CPQ: variants seen among roughly 807,000 people sequenced by gnomAD.
The protein encoded by CPQ is carboxypeptidase Q, also known as Ser-Met dipeptidase.
In CPQ, 37 loss-of-function variants were observed where a neutral mutation model predicts 45.7. The observed-to-expected ratio is 0.81, with a 90% CI of 0.62 to 1.07. The LOEUF is 1.07. Ranked by LOEUF, CPQ falls within the 50% of genes least tolerant of loss-of-function variation. The probability of loss-of-function intolerance (pLI) is 0.00; values close to 1 mark genes in which losing one functional copy is unlikely to be tolerated. For missense variants in CPQ, 537 were observed against 572.9 expected (o/e 0.94, Z 0.64); for synonymous variants, 186 against 205.8 (o/e 0.90, Z 0.82).
At chr8:96,665,288 T>A (rs1808904759) in intron 1 of CPQ, among the ~76,000 whole-genome samples, 1 of 152,082 alleles carries the variant, frequency 6.6e-6, no homozygotes, top group African/African-American at 2.4e-5. Flanking sequence ...GAAGGGATAA[T>A]TAAGATGAGT....
At chr8:97,042,004 T>C (rs1259662679) in intron 6 of CPQ, among the ~76,000 whole-genome samples, 1 of 152,208 alleles carries the variant, frequency 6.6e-6, no homozygotes, top group Non-Finnish European at 1.5e-5. Flanking sequence ...CCTCATAAAA[T>C]GAGTTAGGGA....
intron 1 of CPQ, among the ~76,000 whole-genome samples, chr8:96,779,693 AC>A (rs1244243459): frequency 2.6e-5 from 4 of 152,200 alleles, no homozygotes; most frequent in African/African-American, 9.6e-5. Flanking sequence ...TGCTTAGAGA[AC>A]TTTTAATGAG....
intron 1 of CPQ, among the ~76,000 whole-genome samples, chr8:96,738,871 T>G (rs1257139879): frequency 6.6e-6 from 1 of 152,038 alleles, no homozygotes; most frequent in Non-Finnish European, 1.5e-5. Context: ...TGTTGGACAT[T>G]TGGGTTGGTT....
intron 2 of CPQ, among the ~76,000 whole-genome samples, chr8:96,786,677 A>G (rs1810772681): frequency 6.6e-6 from 1 of 152,114 alleles, no homozygotes; most frequent in Admixed American, 6.6e-5. Context: ...TATGCTTGCC[A>G]ACACTTGTTA....
chr8:96,686,378 G>A (rs2455042), intron 1 of CPQ, among the ~76,000 whole-genome samples: 106,763 of 151,614 alleles, frequency 0.7, 37,996 homozygotes, highest in Middle Eastern at 0.82. Flanking sequence ...CTTTTTTCTT[G>A]GTATAGTACA....
chr8:96,956,004 A>C (rs1010049276), intron 4 of CPQ, among the ~76,000 whole-genome samples: 1 of 152,196 alleles, frequency 6.6e-6, no homozygotes, highest in African/African-American at 2.4e-5. Flanking sequence ...CAATGGCAAC[A>C]AAAGCCAAAA....
intron 7 of CPQ, among the ~76,000 whole-genome samples, chr8:97,068,763 T>G (rs1810685819): frequency 6.6e-6 from 1 of 152,200 alleles, no homozygotes. Flanking sequence ...GGAGGTACAA[T>G]TATCATGATC....
chr8:97,089,227 G>C (rs188620961), intron 7 of CPQ, among the ~76,000 whole-genome samples: 1 of 118,000 alleles, frequency 8.5e-6, no homozygotes, highest in Non-Finnish European at 1.7e-5. Flanking sequence ...TGGGCAACAA[G>C]AGCAAAGCTC....
In CPQ at chr8:96,649,558, T is replaced by C. The variant is rs139382383; in HGVS notation, c.-35+4156T>C. 5.0e-3 allele frequency among the ~76,000 whole-genome samples: 767 copies of C among 152,260 alleles called. 6 individuals carry two copies. Among genetic ancestry groups the C allele is most frequent in the Non-Finnish European group, 7.1e-3 (484 of 68,034 alleles). On this transcript the variant is annotated intron_variant, in intron 1 of 7. Transcript: ENST00000220763. Reference sequence around the variant, plus strand: ...AATAATCTGAGGTTTTGGAATTGCTTAACTGGGTGAGTGGAGATGCCACTA... The same window carrying C: ...AATAATCTGAGGTTTTGGAATTGCTCAACTGGGTGAGTGGAGATGCCACTA...
chr8:96,718,261 C>G (rs2130760076), intron 1 of CPQ, among the ~76,000 whole-genome samples: 1 of 152,250 alleles, frequency 6.6e-6, no homozygotes, highest in African/African-American at 2.4e-5. Context: ...TTCTTGGTCT[C>G]ACTGACTTCA....
chr8:96,670,040 A>G (rs1808980555), intron 1 of CPQ, among the ~76,000 whole-genome samples: 1 of 152,258 alleles, frequency 6.6e-6, no homozygotes, highest in Non-Finnish European at 1.5e-5. Flanking sequence ...CAAGAGCTCT[A>G]GAACTCATAT....
rs376795374 is a variant in CPQ, at chr8:96,965,928, G to A, written c.850-7G>A. The A allele has an allele frequency of 1.3e-6, 2 of 1,564,476 alleles. No individual in the cohort carries two copies. The highest frequency in any genetic ancestry group is 1.7e-6 in the Non-Finnish European group (2 of 1,157,304). ...TTTATTTTTTAACTTTTTATTATTT[G>A]TTCTAGGTTGTACTGGTCAGTGGAC... On this transcript the variant is annotated splice_region_variant and splice_polypyrimidine_tract_variant and intron_variant, in intron 4 of 7. Coordinates refer to ENST00000220763, the MANE Select transcript of CPQ (RefSeq NM_016134.4).
chr8:96,746,909 A>G (rs1810192343), intron 1 of CPQ, among the ~76,000 whole-genome samples: 1 of 152,190 alleles, frequency 6.6e-6, no homozygotes, highest in Non-Finnish European at 1.5e-5. Context: ...TACTAGCCAA[A>G]TGTGCGTTCC....
chr8:96,740,308 A>AT (rs1306853495), intron 1 of CPQ, among the ~76,000 whole-genome samples: 2 of 152,102 alleles, frequency 1.3e-5, no homozygotes, highest in East Asian at 3.9e-4. Context: ...TTGTACCTTG[A>AT]TTTTTTATCC....
chr8:96,836,072 A>T (rs1010726933), intron 3 of CPQ, among the ~76,000 whole-genome samples: 1 of 152,244 alleles, frequency 6.6e-6, no homozygotes, highest in Admixed American at 6.5e-5. Context: ...GAAAAGAAGC[A>T]TAACTTTAGT....
intron 7 of CPQ, among the ~76,000 whole-genome samples, chr8:97,088,643 T>C (rs1053837851): frequency 6.6e-6 from 1 of 152,228 alleles, no homozygotes; most frequent in Non-Finnish European, 1.5e-5. Context: ...CTAATGTTTC[T>C]CTTAGGAGCT....
chr8:96,723,691 A>C (rs1442089632), intron 1 of CPQ, among the ~76,000 whole-genome samples: 2 of 152,164 alleles, frequency 1.3e-5, no homozygotes, highest in African/African-American at 4.8e-5. Context: ...TTAGAACTCA[A>C]AGGGAATTTA....
chr8:96,673,015 A>G (rs943278561), intron 1 of CPQ, among the ~76,000 whole-genome samples: 2 of 152,028 alleles, frequency 1.3e-5, no homozygotes, highest in African/African-American at 4.8e-5. Flanking sequence ...GGCAGAAGGA[A>G]CAGTTACTAC....
chr8:96,650,004 A>T (rs1486714585), intron 1 of CPQ, among the ~76,000 whole-genome samples: 1 of 152,232 alleles, frequency 6.6e-6, no homozygotes, highest in African/African-American at 2.4e-5. Context: ...GTGTTGCAGA[A>T]AGCAGTGGTT....
Sources: allele counts gnomAD v4.1 joint callset (sites outside exome capture counted in the v4.1 genomes callset), GRCh38; gene constraint gnomAD v4.1.1; transcripts MANE v1.5; gene names NCBI Gene and HGNC (gene_info 2026-07-23, HGNC 2026-07-21).